INO80: variants seen among roughly 807,000 people sequenced by gnomAD.
INO80 encodes INO80 complex ATPase subunit.
INO80 carries 20 observed loss-of-function variants against 203.4 expected under a neutral mutation model. The observed-to-expected ratio is 0.10, with a 90% CI of 0.07 to 0.14. INO80 has a LOEUF of 0.14. Ranked by LOEUF, INO80 falls within the 10% of genes least tolerant of loss-of-function variation. INO80 has a pLI of 1.00. For synonymous variants in INO80, 726 were observed against 685.2 expected, an observed-to-expected ratio of 1.06 and a Z score of -0.93; for missense variants, 1,419 against 1,914.4, an observed-to-expected ratio of 0.74 and a Z score of 4.83.
At chr15:41,035,821 C>CAAAAAAA (rs71104768) in intron 24 of INO80, among the ~76,000 whole-genome samples, 1 of 20,154 alleles carries the variant, frequency 5.0e-5, no homozygotes, top group Non-Finnish European at 7.6e-5. Context: ...GACTCTGTCT[C>CAAAAAAA]AAAAAAAAAA....
chr15:40,991,764 A>G (rs1035619179), intron 29 of INO80, among the ~76,000 whole-genome samples: 6 of 151,644 alleles, frequency 4.0e-5, no homozygotes, highest in Non-Finnish European at 5.9e-5. Context: ...GAGATTTAAA[A>G]CAGGAAAATT....
intron 29 of INO80, among the ~76,000 whole-genome samples, chr15:40,990,362 C>G (rs1305153083): frequency 3.4e-4 from 52 of 152,066 alleles, no homozygotes; most frequent in Admixed American, 3.3e-3. Context: ...CTGTTTCTGT[C>G]TCTCTTTTTC....
intron 8 of INO80, among the ~76,000 whole-genome samples, chr15:41,080,153 G>C (rs1370561636): frequency 6.6e-6 from 1 of 152,164 alleles, no homozygotes; most frequent in Non-Finnish European, 1.5e-5. Flanking sequence ...TAATGATGAA[G>C]AAGGACCTGG....
At chr15:41,038,322 G>A (rs896922899) in intron 24 of INO80, among the ~76,000 whole-genome samples, 6 of 151,716 alleles carry the variant, frequency 4.0e-5, no homozygotes, top group Non-Finnish European at 8.8e-5. Flanking sequence ...TTCCCTTTTC[G>A]TTGTGAAATC....
chr15:41,081,162 A>T lies in INO80; in HGVS notation c.874-89T>A, dbSNP rs144359404. ...GAACAGTCTTTTACTCAATTCCTAG[A>T]GGGTTAGAAAATGTCAAGCCAAGCA... On this transcript the variant is annotated intron_variant, in intron 7 of 35. Coordinates refer to ENST00000648947, the MANE Select transcript of INO80 (RefSeq NM_017553.3). 602 of 830,836 alleles carry T rather than the reference A, an allele frequency of 7.2e-4. 2 individuals are homozygous for T. In the African/African-American group the frequency reaches 8.8e-3, roughly 12 times the overall value. The allele number at this position is 830,836 out of a possible 1,614,324, so 51.5% of individuals were successfully genotyped here.
At chr15:41,068,145 G>A (rs1187636829) in intron 14 of INO80, among the ~76,000 whole-genome samples, 1 of 152,196 alleles carries the variant, frequency 6.6e-6, no homozygotes, top group African/African-American at 2.4e-5. Context: ...GAACTGGCTG[G>A]GTTTGGTGGC....
At chr15:41,005,114 G>C (rs1596251046) in intron 28 of INO80, among the ~76,000 whole-genome samples, 1 of 144,988 alleles carries the variant, frequency 6.9e-6, no homozygotes, top group East Asian at 2.0e-4. Flanking sequence ...AGAATTGTTT[G>C]AACCGGGGAG....
intron 14 of INO80, among the ~76,000 whole-genome samples, chr15:41,067,130 G>A (rs2045234486): frequency 6.6e-6 from 1 of 152,128 alleles, no homozygotes; most frequent in Non-Finnish European, 1.5e-5. Context: ...AGGCTGGAGT[G>A]CAGTGGCATG....
intron 23 of INO80, among the ~76,000 whole-genome samples, chr15:41,047,167 G>A (rs1320906886): frequency 6.6e-6 from 1 of 151,906 alleles, no homozygotes; most frequent in African/African-American, 2.4e-5. Flanking sequence ...GTTTCTCCAT[G>A]TTGGTCAGGC....
rs796231340 is a variant in INO80 at position 40,982,723 on chromosome 15, C to CA, written c.4453+138dup. ...AGGGGTGAGTCAACAGTGCTTATTA[C>CA]AAAGAAGAAGAACCCCAATTGGGGC... On this transcript the variant is annotated intron_variant, in intron 35 of 35. Transcript: ENST00000648947. 19 of 677,994 alleles carry CA rather than the reference C, an allele frequency of 2.8e-5. No homozygotes were observed. In the Admixed American group the frequency reaches 4.2e-4, roughly 15 times the overall value. The allele number at this position is 677,994 out of a possible 1,614,324, so 42.0% of individuals were successfully genotyped here. A position where few individuals can be genotyped will look rare whatever the true frequency, so the allele number is the denominator to read the frequency against.
Position 41,081,075 on chromosome 15 carries a change from TA to T in INO80, c.874-3del. On this transcript the variant is annotated splice_polypyrimidine_tract_variant and splice_region_variant and intron_variant, in intron 7 of 35. Coordinates refer to ENST00000648947, the MANE Select transcript of INO80 (RefSeq NM_017553.3). ...AGCTGAAGCTTTCTGCTTATTTGCC[TA>T]AAATATTTAAAAAACAATATTTCAT... 2 of 1,560,088 alleles carry T rather than the reference TA, an allele frequency of 1.3e-6. No homozygotes were observed. Among genetic ancestry groups the T allele is most frequent in the Non-Finnish European group, 8.8e-7 (1 of 1,131,846 alleles).
intron 9 of INO80, 97 bp downstream of exon 9, chr15:41,079,604 G>C: frequency 1.5e-5 from 15 of 989,872 alleles, no homozygotes; most frequent in Non-Finnish European, 2.3e-5. Flanking sequence ...AAAATTGACA[G>C]TGTCATTGGT....
intron 29 of INO80, among the ~76,000 whole-genome samples, chr15:40,992,975 T>C (rs892265709): frequency 6.6e-6 from 1 of 152,134 alleles, no homozygotes; most frequent in Non-Finnish European, 1.5e-5. Flanking sequence ...AAAACTTTTT[T>C]GTACAGATGG....
chr15:41,024,105 A>G (rs569692575), intron 25 of INO80, among the ~76,000 whole-genome samples: 3 of 152,256 alleles, frequency 2.0e-5, no homozygotes, highest in South Asian at 2.1e-4. Context: ...TCTATTTTTC[A>G]ATTTTCATTT....
At chr15:41,066,846 C>CA (rs58118605) in intron 14 of INO80, among the ~76,000 whole-genome samples, 782 of 70,560 alleles carry the variant, frequency 0.011, 3 homozygotes, top group East Asian at 0.029. Context: ...AAAAAAAAAG[C>CA]AAAAAAAAAA....
intron 1 of INO80, among the ~76,000 whole-genome samples, chr15:41,100,201 A>C (rs1414512889): frequency 2.0e-5 from 3 of 151,958 alleles, no homozygotes; most frequent in Non-Finnish European, 4.4e-5. Flanking sequence ...CAGCCTCCCG[A>C]GTAGCTGGGA....
chr15:41,000,225 G>A (rs970586530), intron 28 of INO80, among the ~76,000 whole-genome samples: 3 of 152,178 alleles, frequency 2.0e-5, no homozygotes, highest in African/African-American at 7.2e-5. Flanking sequence ...ACCTGCGTGA[G>A]AGTTGATGGG....
At chr15:40,986,805 T>C (rs968050005) in intron 31 of INO80, among the ~76,000 whole-genome samples, 3 of 152,092 alleles carry the variant, frequency 2.0e-5, no homozygotes, top group Admixed American at 2.0e-4. Context: ...TTTTGTATTT[T>C]TAGTAGAGGT....
chr15:41,099,917 T>C (rs941326636), intron 1 of INO80, among the ~76,000 whole-genome samples: 6 of 152,190 alleles, frequency 3.9e-5, no homozygotes, highest in African/African-American at 1.4e-4. Context: ...TTCATCTTGA[T>C]ACATGTATAA....
Sources: gnomAD v4.1 joint callset for allele counts (sites outside exome capture counted in the v4.1 genomes callset) on GRCh38, gnomAD v4.1.1 for gene constraint, MANE v1.5 for transcripts, NCBI Gene and HGNC (gene_info 2026-07-23, HGNC 2026-07-21) for gene names.